The following ZNF177 variants were observed in gnomAD, a reference collection of about 807,000 sequenced individuals.
ZNF177 encodes the protein zinc finger protein 177.
ZNF177 carries 17 observed loss-of-function variants against 19.4 expected under a neutral mutation model. The observed-to-expected ratio is 0.87, with a 90% confidence interval of 0.60 to 1.31. The LOEUF (loss-of-function observed/expected upper bound fraction) is 1.31. Ranked by LOEUF, ZNF177 falls within the 40% of genes most tolerant of loss-of-function variation. ZNF177 has a pLI of 0.00. For missense variants in ZNF177, 633 were observed against 561.8 expected (o/e 1.13, Z -1.28); for synonymous variants, 220 against 188.7 (o/e 1.17, Z -1.36).
upstream of ZNF177, among the ~76,000 whole-genome samples, chr19:9,372,779 T>A (rs1440561088): frequency 6.6e-6 from 1 of 152,056 alleles, no homozygotes; most frequent in African/African-American, 2.4e-5. Context: ...CCTCCTGACC[T>A]CAAGCAATCC....
chr19:9,372,529 GCTTTC>G (rs1287656572), upstream of ZNF177, among the ~76,000 whole-genome samples: 2 of 145,252 alleles, frequency 1.4e-5, no homozygotes, highest in Non-Finnish European at 3.0e-5. Context: ...TCATCATTGA[GCTTTC>G]TTTTCCTTTT....
chr19:9,374,322 A>C (rs1385830757), upstream of ZNF177, among the ~76,000 whole-genome samples: 6 of 152,174 alleles, frequency 3.9e-5, no homozygotes, highest in African/African-American at 1.4e-4. Flanking sequence ...TGAAATAAGG[A>C]AGTGTGATGC....
chr19:9,380,935 AAGTTTCAGGAGTATG>A (rs749343404), exon 6 of ZNF177: 424 of 1,536,564 alleles, frequency 2.8e-4, no homozygotes, highest in Non-Finnish European at 3.6e-4. Context: ...CACAGGACAG[AAGTTTCAGGAGTATG>A]AGCAATGTGA....
chr19:9,370,368 C>T (rs1286742932), intron 2 of ZNF177, among the ~76,000 whole-genome samples: 2 of 151,744 alleles, frequency 1.3e-5, no homozygotes, highest in Admixed American at 6.6e-5. Context: ...AGATTACTTA[C>T]AGTACCTAGT....
exon 4 of ZNF177, chr19:9,379,537 C>T: frequency 1.2e-6 from 2 of 1,613,762 alleles, no homozygotes; most frequent in Non-Finnish European, 1.7e-6. Context: ...GGTATCAGCT[C>T]TGCAGACACA....
chr19:9,372,540 CTTTTTTTT>C (rs61321271), upstream of ZNF177, among the ~76,000 whole-genome samples: 25 of 84,576 alleles, frequency 3.0e-4, no homozygotes, highest in South Asian at 2.3e-3. Flanking sequence ...CTTTCTTTTC[CTTTTTTTT>C]TTTTTTTTTT....
At chr19:9,381,350 A>G (rs146386560) in exon 6 of ZNF177, 9 of 1,613,922 alleles carry the variant, frequency 5.6e-6, no homozygotes, top group East Asian at 2.2e-5. Flanking sequence ...GAGAAACCCT[A>G]TGACTGTAAG....
exon 2 of ZNF177, chr19:9,364,867 G>C (rs1355402470): frequency 1.3e-5 from 2 of 152,184 alleles, no homozygotes; most frequent in African/African-American, 2.4e-5. Context: ...TTCAGGGCTG[G>C]GTATAAGTAA....
intron 2 of ZNF177, among the ~76,000 whole-genome samples, chr19:9,369,604 A>G (rs1013971188): frequency 6.6e-6 from 1 of 152,132 alleles, no homozygotes; most frequent in African/African-American, 2.4e-5. Context: ...TTATTGATAC[A>G]GTCAGACATT....
chr19:9,374,183 G>A (rs1469970640), upstream of ZNF177, among the ~76,000 whole-genome samples: 2 of 152,048 alleles, frequency 1.3e-5, no homozygotes, highest in African/African-American at 4.8e-5. Context: ...CTTATTCTTG[G>A]CATCTTTGTC....
chr19:9,381,914 C>T (rs2068209508), exon 6 of ZNF177: 1 of 1,298,946 alleles, frequency 7.7e-7, no homozygotes, highest in African/African-American at 1.5e-5. Flanking sequence ...CTGGGACAAA[C>T]CTTATAAATG....
chr19:9,376,693 A>G (rs1314430941), intron 1 of ZNF177, among the ~76,000 whole-genome samples: 1 of 152,134 alleles, frequency 6.6e-6, no homozygotes, highest in African/African-American at 2.4e-5. Flanking sequence ...CATTTCCCAC[A>G]TTTTATGTTT....
chr19:9,379,564 G>A (rs761630046), exon 4 of ZNF177: 1 of 1,613,912 alleles, frequency 6.2e-7, no homozygotes, highest in South Asian at 1.1e-5. Context: ...TCTCCAAGGT[G>A]GATCAAGAAC....
chr19:9,366,479 C>T lies in ZNF177; in HGVS notation c.-305+1531C>T, dbSNP rs190793911. ...CACTGTGTTACCAGGCTGGTCTGAA[C>T]TCCTGGGTTAATGTGATCCACCCAC... On this transcript the variant is annotated intron_variant, in intron 2 of 8. Transcript: ENST00000343499. Among the ~76,000 whole-genome samples the T allele has an allele frequency of 6.2e-3, 939 of 152,164 alleles. 7 individuals carry two copies. The highest frequency in any genetic ancestry group is 0.011 in the Non-Finnish European group (729 of 67,996).
chr19:9,372,511 G>A (rs151107444), upstream of ZNF177, among the ~76,000 whole-genome samples: 111 of 136,236 alleles, frequency 8.1e-4, no homozygotes, highest in African/African-American at 2.8e-3. Flanking sequence ...TCTCTCCCTT[G>A]CTTCCTTTCA....
upstream of ZNF177, among the ~76,000 whole-genome samples, chr19:9,375,613 A>G (rs1207390162): frequency 6.6e-6 from 1 of 152,108 alleles, no homozygotes; most frequent in Non-Finnish European, 1.5e-5. Context: ...ATTTTTTGGC[A>G]TATAATTTTT....
chr19:9,373,609 T>C (rs117024414), upstream of ZNF177, among the ~76,000 whole-genome samples: 3,155 of 152,312 alleles, frequency 0.021, 50 homozygotes, highest in Non-Finnish European at 0.032. Context: ...ACACTTGTTA[T>C]CCTTTGACTT....
At chr19:9,372,980 C>T (rs1314445805), upstream of ZNF177, among the ~76,000 whole-genome samples, 1 of 152,158 alleles carries the variant, frequency 6.6e-6, no homozygotes, top group Non-Finnish European at 1.5e-5. Flanking sequence ...TCATCACAGT[C>T]AAGCTAATTA....
intron 2 of ZNF177, among the ~76,000 whole-genome samples, chr19:9,369,714 A>T (rs983735638): frequency 4.6e-5 from 7 of 150,842 alleles, no homozygotes; most frequent in Admixed American, 4.6e-4. Context: ...ATTTTTTTTT[A>T]ACCTAATTCC....
Sources: gnomAD v4.1 joint callset for allele counts (sites outside exome capture counted in the v4.1 genomes callset) on GRCh38, gnomAD v4.1.1 for gene constraint, MANE v1.5 for transcripts, NCBI Gene and HGNC (gene_info 2026-07-23, HGNC 2026-07-21) for gene names.